Variants in PADI1 observed in about 807,000 individuals in gnomAD.
PADI1 encodes the protein peptidyl arginine deiminase 1.
In PADI1, 65 loss-of-function variants were observed where a neutral mutation model predicts 74.8. The ratio of observed to expected loss-of-function variants is 0.87; its 90% confidence interval spans 0.71 to 1.07. PADI1 has a LOEUF of 1.07. PADI1 is among the 50% of genes least tolerant of loss of function. The pLI is 0.00. For synonymous variants in PADI1, 371 were observed against 336.2 expected (o/e 1.10, Z -1.13); for missense variants, 943 against 854.0 (o/e 1.10, Z -1.30).
chr1:17,235,003 G>A lies in PADI1; in HGVS notation c.1313+2033G>A, dbSNP rs528586708. Among the ~76,000 whole-genome samples, 5 of 152,146 alleles carry A rather than the reference G, an allele frequency of 3.3e-5. No homozygotes were observed. In the East Asian group the frequency reaches 9.7e-4, roughly 29 times the overall value. ...CTGATGGTGCACGCCCATGGTCCCA[G>A]CTACTTGGGAGGCTGAGGTAGGAGA... is the stretch of plus-strand genomic sequence containing the variant. On this transcript the variant is annotated intron_variant, in intron 11 of 15. Transcript: ENST00000375471.
Position 17,237,331 on chromosome 1 carries a change from T to C in PADI1, c.1331T>C (p.Met444Thr), listed in dbSNP as rs749465477. ...CTGGCCAGGTCCGGTGGGCGGCAGATGGCCAGGGCAGTGCGGAACTTCCTG... is the reference window on the plus strand; with the variant it reads ...CTGGCCAGGTCCGGTGGGCGGCAGACGGCCAGGGCAGTGCGGAACTTCCTG... ...SSFPKSGGRQ[M>T]ARAVRNFLKA... The change falls in exon 12 of 16, where the codon ATG (methionine) becomes ACG (threonine). Residue 444 changes from methionine (M) to threonine (T), a missense_variant. Transcript: ENST00000375471. The C allele has an allele frequency of 3.1e-6, 5 of 1,609,328 alleles. No individual in the cohort carries two copies. The East Asian group carries it at 9.0e-5, about 29-fold the overall frequency.
intron 11 of PADI1, 30 bp from the exon 12 acceptor site, chr1:17,237,284 G>C (rs2072666601): frequency 6.3e-7 from 1 of 1,579,762 alleles, no homozygotes; most frequent in African/African-American, 1.4e-5. Flanking sequence ...CAGGCACAAG[G>C]TGACTGCCCG....
chr1:17,222,587 C>A, intron 2 of PADI1, 117 bp downstream of exon 2: 1 of 785,434 alleles, frequency 1.3e-6, no homozygotes, highest in Non-Finnish European at 2.1e-6. Flanking sequence ...CCTCACAAAG[C>A]TTATCACAGT....
chr1:17,237,541 C>A, intron 12 of PADI1, 83 bp downstream of exon 12: 2 of 1,347,194 alleles, frequency 1.5e-6, no homozygotes, highest in East Asian at 2.5e-5. Flanking sequence ...CATCTGGAAC[C>A]AGCTCAACCC....
In PADI1 at chr1:17,228,939, TC is replaced by T; in HGVS notation, c.826-5del. Reference sequence around the variant, plus strand: ...TGCAGGGCCCACCAAGTCCTCATTTTCCCCTCAGACCCTGCCCGAGGTGACC... The same window carrying T: ...TGCAGGGCCCACCAAGTCCTCATTTTCCCTCAGACCCTGCCCGAGGTGACC... On this transcript the variant is annotated splice_region_variant and splice_polypyrimidine_tract_variant and intron_variant, in intron 7 of 15. Transcript: ENST00000375471. 2 of 1,594,744 alleles carry T rather than the reference TC, an allele frequency of 1.3e-6. No individual in the cohort carries two copies. The highest frequency in any genetic ancestry group is 1.7e-6 in the Non-Finnish European group (2 of 1,167,998).
chr1:17,209,749 T>G (rs1420671839), intron 1 of PADI1, among the ~76,000 whole-genome samples: 3 of 152,232 alleles, frequency 2.0e-5, no homozygotes, highest in African/African-American at 7.2e-5. Context: ...TGTGTGACCT[T>G]GGGCCAGTCA....
chr1:17,242,087 G>A (rs188490546), intron 15 of PADI1, among the ~76,000 whole-genome samples: 64 of 152,316 alleles, frequency 4.2e-4, no homozygotes, highest in African/African-American at 1.4e-3. Flanking sequence ...AGGATTTCTC[G>A]ACTCTGTAGC....
At chr1:17,212,341 C>A (rs1269198264) in intron 1 of PADI1, among the ~76,000 whole-genome samples, 2 of 152,202 alleles carry the variant, frequency 1.3e-5, no homozygotes, top group Non-Finnish European at 2.9e-5. Flanking sequence ...GCTCTTCAGC[C>A]TTTTCGTCCG....
intron 10 of PADI1, among the ~76,000 whole-genome samples, chr1:17,232,569 G>C (rs1340209384): frequency 6.6e-6 from 1 of 152,210 alleles, no homozygotes; most frequent in African/African-American, 2.4e-5. Flanking sequence ...GGATTCTTTA[G>C]ATGTATACTG....
At chr1:17,223,387 C>A in intron 2 of PADI1, 1 of 535,682 alleles carries the variant, frequency 1.9e-6, no homozygotes, top group Non-Finnish European at 3.4e-6. Context: ...TTCCCCCACC[C>A]TCCTTGCTCC....
intron 11 of PADI1, among the ~76,000 whole-genome samples, chr1:17,237,014 C>A (rs1321071904): frequency 6.6e-6 from 1 of 152,112 alleles, no homozygotes; most frequent in East Asian, 1.9e-4. Context: ...GAGAGCTTGG[C>A]CGAGCACGCT....
chr1:17,244,592 G>C lies in PADI1; in HGVS notation c.*349G>C, dbSNP rs761469118. ...TCCCCCTTCATTCTGATGCCTCCCTGGGGAACAAGGATAATGACTTTGCAT... is the reference window on the plus strand; with the variant it reads ...TCCCCCTTCATTCTGATGCCTCCCTCGGGAACAAGGATAATGACTTTGCAT... On this transcript the variant is annotated 3_prime_UTR_variant, in exon 16 of 16. Coordinates refer to ENST00000375471, the MANE Select transcript of PADI1 (RefSeq NM_013358.3). The C allele has an allele frequency of 3.5e-4, 143 of 405,224 alleles. No individual in the cohort carries two copies. The Middle Eastern group carries it at 8.8e-3, about 25-fold the overall frequency. The allele number at this position is 405,224 out of a possible 1,614,324, so 25.1% of individuals were successfully genotyped here.
chr1:17,216,747 G>A (rs531255926), intron 1 of PADI1, among the ~76,000 whole-genome samples: 92 of 152,218 alleles, frequency 6.0e-4, no homozygotes, highest in Admixed American at 3.3e-3. Flanking sequence ...GTGAGCTCCT[G>A]TAATCCCAGC....
intron 1 of PADI1, among the ~76,000 whole-genome samples, chr1:17,208,534 GT>G (rs1387440169): frequency 3.4e-5 from 3 of 88,510 alleles, no homozygotes; most frequent in African/African-American, 4.7e-5. Flanking sequence ...CCCCACCCCA[GT>G]AGGCTAGCCC....
At chr1:17,228,598 C>T in intron 6 of PADI1, 27 bp from the exon 7 acceptor site, 2 of 1,613,444 alleles carry the variant, frequency 1.2e-6, no homozygotes, top group Non-Finnish European at 1.7e-6. Flanking sequence ...TGTCTCCTCG[C>T]TAGCCCCTGA....
At chr1:17,218,964 G>T (rs1366053221) in intron 1 of PADI1, among the ~76,000 whole-genome samples, 1 of 152,150 alleles carries the variant, frequency 6.6e-6, no homozygotes, top group South Asian at 2.1e-4. Context: ...GGGGAAGAGT[G>T]GGGAGGCTTC....
intron 8 of PADI1, 131 bp from the exon 9 acceptor site, chr1:17,229,954 C>A: frequency 1.3e-6 from 1 of 776,946 alleles, no homozygotes; most frequent in Non-Finnish European, 2.1e-6. Context: ...CGCCTATGAG[C>A]CTCTCAAGGT....
At chr1:17,242,400 C>T (rs2072795819) in intron 15 of PADI1, among the ~76,000 whole-genome samples, 1 of 152,356 alleles carries the variant, frequency 6.6e-6, no homozygotes, top group Non-Finnish European at 1.5e-5. Context: ...GAAATTGTAA[C>T]TTTATGTAAG....
chr1:17,214,856 C>T (rs2071931890), intron 1 of PADI1, among the ~76,000 whole-genome samples: 1 of 152,202 alleles, frequency 6.6e-6, no homozygotes, highest in African/African-American at 2.4e-5. Flanking sequence ...GGGTAGGATG[C>T]CAAGGGAATG....
Sources: allele counts gnomAD v4.1 joint callset (sites outside exome capture counted in the v4.1 genomes callset), GRCh38; gene constraint gnomAD v4.1.1; transcripts MANE v1.5; gene names NCBI Gene and HGNC (gene_info 2026-07-23, HGNC 2026-07-21).